Variants in DMXL1 observed in about 807,000 individuals in gnomAD.
DMXL1 encodes the protein Dmx like 1.
DMXL1 carries 99 observed loss-of-function variants against 319.2 expected under a neutral mutation model. That is an observed-to-expected ratio of 0.31 (90% CI 0.26 to 0.37). The LOEUF is 0.37. Ranked by LOEUF, DMXL1 falls within the 10% of genes least tolerant of loss-of-function variation. The probability of loss-of-function intolerance (pLI) is 1.00; values close to 1 mark genes in which losing one functional copy is unlikely to be tolerated. For missense variants in DMXL1, 3,745 were observed against 3,595.6 expected, an observed-to-expected ratio of 1.04 and a Z score of -1.06; for synonymous variants, 1,385 against 1,235.2, an observed-to-expected ratio of 1.12 and a Z score of -2.54.
Position 119,134,029 on chromosome 5 carries a change from A to C in DMXL1, c.2105A>C (p.Tyr702Ser). Residue 702 changes from tyrosine to serine, a missense_variant, in exon 12 of 44, where the codon TAC (tyrosine) becomes TCC (serine). Around this residue, in one of 4 missense-constraint regions of DMXL1, gnomAD observed 2,096 missense variants for 1,985.4 expected, o/e 1.06. Transcript: ENST00000539542. The stretch of plus-strand genomic sequence containing the variant: ...GCATTTCAGGATCCCAGTGCAGTTT[A>C]CAGTGAGCTTATTCTGTGGAGGGTT... The part of the protein sequence containing the change: ...DVAFQDPSAV[Y>S]SELILWRVDP... 5 of 1,614,220 alleles carry C rather than the reference A, an allele frequency of 3.1e-6. No homozygotes were observed. The highest frequency in any genetic ancestry group is 3.4e-6 in the Non-Finnish European group (4 of 1,180,036).
chr5:119,165,065 T>C, intron 20 of DMXL1, 118 bp from the exon 21 acceptor site: 8 of 643,948 alleles, frequency 1.2e-5, no homozygotes, highest in Non-Finnish European at 2.2e-5. Context: ...ATTATTCATA[T>C]ACATATTTTT....
rs899449129 is a variant in DMXL1, at chr5:119,133,520, A to G, written c.1596A>G (p.Val532=). ...TGTCCTTTGTTTCCAGAATTCCAGT[A>G]GCTTTCCCCACAGGTGATGCAAACT... ...VQVSFVSRIP[V]AFPTGDANSL... is the part of the protein sequence containing the mutation. Residue 532 remains valine, a synonymous_variant, in exon 12 of 44, where the codon GTA becomes GTG. Coordinates refer to ENST00000539542, the MANE Select transcript of DMXL1 (RefSeq NM_001290321.3). 3 of 1,608,990 alleles carry G rather than the reference A, an allele frequency of 1.9e-6. No homozygotes were observed. Among genetic ancestry groups the G allele is most frequent in the Admixed American group, 1.7e-5 (1 of 58,982 alleles).
intron 1 of DMXL1, among the ~76,000 whole-genome samples, chr5:119,073,254 G>T (rs1016036520): frequency 6.6e-6 from 1 of 152,112 alleles, no homozygotes; most frequent in Non-Finnish European, 1.5e-5. Flanking sequence ...GTAGAGAGGG[G>T]TCTCCTTATG....
chr5:119,152,156 G>A (rs1769944412), intron 19 of DMXL1, 120 bp downstream of exon 19: 2 of 638,734 alleles, frequency 3.1e-6, no homozygotes, highest in East Asian at 5.8e-5. Flanking sequence ...CATATTTTAA[G>A]TTTCCTTTAT....
chr5:119,142,256 A>G (rs538066307), intron 13 of DMXL1, among the ~76,000 whole-genome samples: 212 of 152,202 alleles, frequency 1.4e-3, no homozygotes, highest in Non-Finnish European at 2.5e-3. Flanking sequence ...TAAATAGACA[A>G]CCTACAGAAT....
intron 2 of DMXL1, among the ~76,000 whole-genome samples, chr5:119,098,715 C>G (rs1756549007): frequency 6.6e-6 from 1 of 152,056 alleles, no homozygotes; most frequent in African/African-American, 2.4e-5. Flanking sequence ...CCTGTAGTAC[C>G]AGAATGAGAA....
intron 1 of DMXL1, among the ~76,000 whole-genome samples, chr5:119,074,436 C>G (rs1465183562): frequency 6.6e-6 from 1 of 152,088 alleles, no homozygotes. Context: ...TTTTGTAATT[C>G]CTCCCTTTGC....
intron 13 of DMXL1, among the ~76,000 whole-genome samples, chr5:119,136,107 G>C (rs1267311248): frequency 6.6e-6 from 1 of 152,246 alleles, no homozygotes; most frequent in African/African-American, 2.4e-5. Context: ...CTCTGATGGA[G>C]ATGACGAACT....
intron 22 of DMXL1, among the ~76,000 whole-genome samples, chr5:119,167,288 G>A (rs543961024): frequency 2.0e-4 from 31 of 152,224 alleles, no homozygotes; most frequent in African/African-American, 7.5e-4. Context: ...GAGAATAGTA[G>A]AGGTTCAAGA....
chr5:119,071,054 C>T (rs1201804375), upstream of DMXL1, among the ~76,000 whole-genome samples: 1 of 152,100 alleles, frequency 6.6e-6, no homozygotes, highest in Non-Finnish European at 1.5e-5. Context: ...CTGCCCCGAG[C>T]GAAGTCTCGC....
intron 2 of DMXL1, among the ~76,000 whole-genome samples, chr5:119,100,836 G>A (rs1237811019): frequency 1.6e-5 from 2 of 121,394 alleles, no homozygotes; most frequent in African/African-American, 6.2e-5. Flanking sequence ...CTGGAGTGCA[G>A]TGGCGTGAAC....
At chr5:119,173,504 G>A (rs1775025660) in intron 25 of DMXL1, among the ~76,000 whole-genome samples, 1 of 151,538 alleles carries the variant, frequency 6.6e-6, no homozygotes, top group African/African-American at 2.4e-5. Flanking sequence ...TCAACTGGTG[G>A]GTTAGTCAGG....
chr5:119,106,150 A>G (rs552298597), intron 4 of DMXL1, among the ~76,000 whole-genome samples: 2 of 151,886 alleles, frequency 1.3e-5, no homozygotes, highest in East Asian at 1.9e-4. Flanking sequence ...GCTGCTTGCT[A>G]TCTACTGGAA....
chr5:119,165,286 TAAAAAAAAA>T lies in DMXL1; in HGVS notation c.4970+16_4970+24del. 1 of 884,134 alleles carries T rather than the reference TAAAAAAAAA, an allele frequency of 1.1e-6. No individual in the cohort carries two copies. The highest frequency in any genetic ancestry group is 1.6e-6 in the Non-Finnish European group (1 of 611,012). 54.8% of individuals were successfully genotyped at this position (884,134 alleles called of 1,614,324 possible). ...GTGATTTGGGGATTATATAGGTAGG[TAAAAAAAAA>T]AAAAAAAAAGGGTGCTTCAATGTGA... On this transcript the variant is annotated splice_region_variant and intron_variant, in intron 21 of 43. Coordinates refer to ENST00000539542, the MANE Select transcript of DMXL1 (RefSeq NM_001290321.3).
rs539203658 is a variant in DMXL1, at chr5:119,149,603, C to T, written c.3776C>T (p.Thr1259Ile). ...PVITDSYSGS[T>I]PSITSLIKQS... ...ATAACAGATTCGTACAGTGGGAGCACTCCATCTATAACAAGTTTAATAAAA... is the reference window on the plus strand; with the variant it reads ...ATAACAGATTCGTACAGTGGGAGCATTCCATCTATAACAAGTTTAATAAAA... The change falls in exon 18 of 44, where the codon ACT (threonine) becomes ATT (isoleucine). Residue 1259 changes from threonine (T) to isoleucine (I), a missense_variant. Thr to Ile is a moderately conservative substitution (Grantham distance 89). This residue lies in a region of DMXL1 where 2,096 missense variants were observed against 1,985.4 expected (regional missense o/e 1.06). Transcript: ENST00000539542. 1,194 of 1,613,884 alleles carry T rather than the reference C, an allele frequency of 7.4e-4. 13 individuals carry two copies. In the South Asian group the frequency reaches 0.011, roughly 14 times the overall value.
At chr5:119,145,303 C>G (rs1768266294) in intron 15 of DMXL1, among the ~76,000 whole-genome samples, 1 of 151,714 alleles carries the variant, frequency 6.6e-6, no homozygotes, top group Non-Finnish European at 1.5e-5. Context: ...TACATCATGT[C>G]TTTCTGCCAC....
intron 10 of DMXL1, chr5:119,132,697 A>G: frequency 2.2e-6 from 1 of 461,694 alleles, no homozygotes. Context: ...AAAATGGAGC[A>G]AGTCCCTTTT....
intron 3 of DMXL1, among the ~76,000 whole-genome samples, chr5:119,104,773 A>G (rs979609324): frequency 2.0e-5 from 3 of 152,228 alleles, no homozygotes; most frequent in African/African-American, 4.8e-5. Context: ...AAAATGTTAC[A>G]TCTTTTATTC....
chr5:119,188,858 T>C (rs1778218089), intron 28 of DMXL1, among the ~76,000 whole-genome samples: 1 of 152,236 alleles, frequency 6.6e-6, no homozygotes. Context: ...TAAAACCAAA[T>C]TGTATTACAG....
Sources: allele counts gnomAD v4.1 joint callset (sites outside exome capture counted in the v4.1 genomes callset), GRCh38; gene constraint gnomAD v4.1.1; regional missense constraint gnomAD v4.1.1; transcripts MANE v1.5; gene names NCBI Gene and HGNC (gene_info 2026-07-23, HGNC 2026-07-21).